The following DSCAM variants were observed in gnomAD, a reference collection of about 807,000 sequenced individuals.
DSCAM encodes the protein DS cell adhesion molecule, also known as cell adhesion molecule DSCAM.
DSCAM carries 47 observed loss-of-function variants against 217.7 expected under a neutral mutation model. That is an observed-to-expected ratio of 0.22 (90% CI 0.17 to 0.28). The LOEUF (loss-of-function observed/expected upper bound fraction) is 0.28, where lower values mean the gene tolerates loss of function less well. Ranked by LOEUF, DSCAM falls within the 10% of genes least tolerant of loss-of-function variation. The pLI is 1.00. For missense variants in DSCAM, 2,080 were observed against 2,618.3 expected, an observed-to-expected ratio of 0.79 and a Z score of 4.49; for synonymous variants, 1,056 against 1,015.3, an observed-to-expected ratio of 1.04 and a Z score of -0.76.
intron 32 of DSCAM, among the ~76,000 whole-genome samples, chr21:40,026,315 G>C (rs1167939106): frequency 7.1e-6 from 1 of 141,664 alleles, no homozygotes; most frequent in East Asian, 2.0e-4. Flanking sequence ...TTTGGAATAG[G>C]TGTGGTGTGG....
chr21:40,559,420 T>C lies in DSCAM; in HGVS notation c.508+133390A>G, dbSNP rs982259224. Among the ~76,000 whole-genome samples, 49 of 147,480 alleles carry C rather than the reference T, an allele frequency of 3.3e-4. 1 individual carries two copies. Among genetic ancestry groups the C allele is most frequent in the Admixed American group, 3.1e-3 (46 of 14,644 alleles). ...TTGCAGTGCGCTGAGATCGCACCAC[T>C]GCACTCTGGCCCGGGCGAAAAGAGC... On this transcript the variant is annotated intron_variant, in intron 3 of 32. Transcript: ENST00000400454.
At chr21:40,820,795 T>G (rs906620405) in intron 1 of DSCAM, among the ~76,000 whole-genome samples, 1 of 152,188 alleles carries the variant, frequency 6.6e-6, no homozygotes, top group African/African-American at 2.4e-5. Context: ...TCAAGATTTA[T>G]GCCCACTTAA....
intron 11 of DSCAM, among the ~76,000 whole-genome samples, chr21:40,210,100 C>G (rs981254577): frequency 1.3e-5 from 2 of 152,190 alleles, no homozygotes; most frequent in South Asian, 2.1e-4. Flanking sequence ...CTCCCCCATT[C>G]CCTATTTTGA....
intron 11 of DSCAM, among the ~76,000 whole-genome samples, chr21:40,225,290 T>C (rs2091322157): frequency 6.6e-6 from 1 of 152,176 alleles, no homozygotes. Context: ...ACCTTGACCA[T>C]CATTTCACGG....
At chr21:40,625,527 G>C (rs116373986) in intron 3 of DSCAM, among the ~76,000 whole-genome samples, 59 of 152,118 alleles carry the variant, frequency 3.9e-4, no homozygotes, top group African/African-American at 1.4e-3. Flanking sequence ...CTTTTCTGGA[G>C]TGCAAGCCCT....
At chr21:40,802,448 A>G (rs2091750269) in intron 1 of DSCAM, among the ~76,000 whole-genome samples, 1 of 152,104 alleles carries the variant, frequency 6.6e-6, no homozygotes, top group Admixed American at 6.5e-5. Flanking sequence ...GATTGCATAT[A>G]TTTGTATGTG....
chr21:40,506,698 G>A (rs561134813), intron 3 of DSCAM, among the ~76,000 whole-genome samples: 1 of 152,314 alleles, frequency 6.6e-6, no homozygotes, highest in Non-Finnish European at 1.5e-5. Flanking sequence ...TTAGGCTGCA[G>A]TAAGAGAATT....
chr21:40,780,179 G>A (rs912023908), intron 1 of DSCAM, among the ~76,000 whole-genome samples: 1 of 152,072 alleles, frequency 6.6e-6, no homozygotes, highest in Non-Finnish European at 1.5e-5. Flanking sequence ...GGCCTTAAAT[G>A]CAAGTTGTGC....
chr21:40,277,956 T>C (rs1268982106), intron 10 of DSCAM, among the ~76,000 whole-genome samples: 4 of 151,692 alleles, frequency 2.6e-5, no homozygotes, highest in African/African-American at 9.7e-5. Context: ...TACTGACAGA[T>C]AACATGATTT....
chr21:40,314,927 A>C (rs746211102), intron 8 of DSCAM, among the ~76,000 whole-genome samples: 1 of 152,170 alleles, frequency 6.6e-6, no homozygotes, highest in African/African-American at 2.4e-5. Flanking sequence ...TATCTGAATC[A>C]GTTTCTTAGC....
intron 3 of DSCAM, among the ~76,000 whole-genome samples, chr21:40,625,211 T>C (rs2146307094): frequency 6.6e-6 from 1 of 152,042 alleles, no homozygotes; most frequent in Middle Eastern, 3.4e-3. Flanking sequence ...CAAAACAAAA[T>C]TAATATAAGA....
chr21:40,429,353 G>C lies in DSCAM; in HGVS notation c.509-60108C>G, dbSNP rs2075508138. Among the ~76,000 whole-genome samples the C allele has an allele frequency of 2.0e-5, 3 of 151,186 alleles. No individual in the cohort carries two copies. The South Asian group carries it at 6.3e-4, about 32-fold the overall frequency. On this transcript the variant is annotated intron_variant, in intron 3 of 32. Coordinates refer to ENST00000400454, the MANE Select transcript of DSCAM (RefSeq NM_001389.5). The stretch of plus-strand genomic sequence containing the variant: ...GTGATCTCGGCTCACTGCAACCTCT[G>C]TCTCCCGAGTTCAAGCAATTCTCCT...
rs757843765 is a variant in DSCAM at position 40,473,566 on chromosome 21, A to C, written c.509-104321T>G. Among the ~76,000 whole-genome samples the C allele has an allele frequency of 2.7e-4, 41 of 152,314 alleles. 2 individuals are homozygous for C. Among genetic ancestry groups the C allele is most frequent in the Non-Finnish European group, 4.4e-4 (30 of 68,034 alleles). ...TGGGCAGCGGTCACCTATCAGGTAG[A>C]TCATACAGGTTCTATGTGTTACAGA... is the stretch of plus-strand genomic sequence containing the variant. On this transcript the variant is annotated intron_variant, in intron 3 of 32. Coordinates refer to ENST00000400454, the MANE Select transcript of DSCAM (RefSeq NM_001389.5).
chr21:40,112,586 T>C (rs2089913203), intron 20 of DSCAM, among the ~76,000 whole-genome samples: 1 of 151,772 alleles, frequency 6.6e-6, no homozygotes, highest in Non-Finnish European at 1.5e-5. Flanking sequence ...CTGAATGAAA[T>C]AGAGAAACAA....
rs1015297268 is a variant in DSCAM, at chr21:40,144,682, C to A, written c.3068G>T (p.Gly1023Val). 1.2e-6 allele frequency: 2 copies of A among 1,614,124 alleles called. No homozygotes were observed. The highest frequency in any genetic ancestry group is 1.7e-6 in the Non-Finnish European group (2 of 1,180,018). ...QNGIIRGYQIGYREYSTGGNF... is the reference protein window; with the variant it reads ...QNGIIRGYQIVYREYSTGGNF... ...ACCCCCAGTGCTGTACTCTCGGTAA[C>A]CTATTTGGTAGCCACGGATAATCCC... The change falls in exon 17 of 33, where the codon GGT becomes GTT. Residue 1023 changes from glycine to valine, a missense_variant. By Grantham distance (109) the Gly-to-Val change is moderately radical. Coordinates refer to ENST00000400454, the MANE Select transcript of DSCAM (RefSeq NM_001389.5). The surrounding 1 kb of genome is among the most constrained non-coding windows in gnomAD (Gnocchi z 4.8).
intron 2 of DSCAM, among the ~76,000 whole-genome samples, chr21:40,703,004 C>T (rs1025732395): frequency 6.6e-6 from 1 of 152,102 alleles, no homozygotes; most frequent in Admixed American, 6.5e-5. Context: ...GTCTAAATAG[C>T]CAATTATTTT....
chr21:40,420,597 C>T (rs559808692), intron 3 of DSCAM, among the ~76,000 whole-genome samples: 1 of 152,240 alleles, frequency 6.6e-6, no homozygotes, highest in South Asian at 2.1e-4. Context: ...TGTCCTACCA[C>T]CAGTATCTCA....
intron 3 of DSCAM, among the ~76,000 whole-genome samples, chr21:40,529,194 C>A (rs1454963172): frequency 1.3e-5 from 2 of 152,070 alleles, no homozygotes; most frequent in Non-Finnish European, 1.5e-5. Flanking sequence ...CTGCTTCTGG[C>A]CTAGGCTTTC....
chr21:40,388,823 T>C (rs185182562), intron 3 of DSCAM, among the ~76,000 whole-genome samples: 7 of 152,272 alleles, frequency 4.6e-5, no homozygotes, highest in Admixed American at 1.3e-4. Context: ...GGTAAGCAAA[T>C]CTTGCTTTTT....
Sources: allele counts gnomAD v4.1 joint callset (sites outside exome capture counted in the v4.1 genomes callset), GRCh38; gene constraint gnomAD v4.1.1; non-coding constraint Gnocchi (gnomAD v3.1); transcripts MANE v1.5; gene names NCBI Gene and HGNC (gene_info 2026-07-23, HGNC 2026-07-21).